The following CCDC192 variants were observed in gnomAD, a reference collection of about 807,000 sequenced individuals.
CCDC192 encodes coiled-coil domain-containing protein 192.
intron 5 of CCDC192, 101 bp downstream of exon 5, chr5:127,798,263 C>A: frequency 2.5e-6 from 1 of 393,476 alleles, no homozygotes; most frequent in Middle Eastern, 6.4e-4. Context: ...TCGTCTGGAG[C>A]AAACCAAATC....
chr5:127,854,307 A>T (rs1304532480), intron 5 of CCDC192, among the ~76,000 whole-genome samples: 1 of 152,122 alleles, frequency 6.6e-6, no homozygotes, highest in Admixed American at 6.5e-5. Flanking sequence ...TCTGCAGATG[A>T]CTTCCTGATT....
At chr5:127,704,291 T>A (rs1750837937) in intron 1 of CCDC192, among the ~76,000 whole-genome samples, 1 of 152,048 alleles carries the variant, frequency 6.6e-6, no homozygotes, top group Non-Finnish European at 1.5e-5. Flanking sequence ...CGGGTTCAAG[T>A]GATTCTCCCA....
intron 3 of CCDC192, among the ~76,000 whole-genome samples, chr5:127,777,719 T>C (rs537256220): frequency 4.6e-5 from 7 of 152,316 alleles, no homozygotes; most frequent in African/African-American, 1.7e-4. Context: ...TCCCCCATAC[T>C]GTTCTTGTGA....
At chr5:127,784,357 T>C (rs914038883) in intron 3 of CCDC192, among the ~76,000 whole-genome samples, 34 of 152,308 alleles carry the variant, frequency 2.2e-4, no homozygotes, top group African/African-American at 8.2e-4. Context: ...GCATGCAGCC[T>C]TCAGTGTGGG....
chr5:127,831,756 G>A (rs1354232721), intron 5 of CCDC192, among the ~76,000 whole-genome samples: 3 of 151,874 alleles, frequency 2.0e-5, no homozygotes, highest in Non-Finnish European at 2.9e-5. Context: ...ACACACATAT[G>A]TACACACATA....
At chr5:127,733,674 G>A (rs1326687857) in intron 2 of CCDC192, among the ~76,000 whole-genome samples, 5 of 152,060 alleles carry the variant, frequency 3.3e-5, no homozygotes, top group South Asian at 4.1e-4. Flanking sequence ...GGACAAACCT[G>A]TTACTGCTGC....
At chr5:127,844,892 C>G (rs575934941) in intron 5 of CCDC192, among the ~76,000 whole-genome samples, 1 of 152,220 alleles carries the variant, frequency 6.6e-6, no homozygotes, top group Non-Finnish European at 1.5e-5. Flanking sequence ...TGAAGCCTCA[C>G]AGGGCCTTGT....
At chr5:127,852,085 T>A (rs1251919538) in intron 5 of CCDC192, among the ~76,000 whole-genome samples, 1 of 152,254 alleles carries the variant, frequency 6.6e-6, no homozygotes, top group Non-Finnish European at 1.5e-5. Context: ...CAATAATTCT[T>A]ATTTTGTGCT....
chr5:127,818,376 A>AT (rs1022851356), intron 5 of CCDC192, among the ~76,000 whole-genome samples: 2 of 152,022 alleles, frequency 1.3e-5, no homozygotes, highest in African/African-American at 4.8e-5. Context: ...ACTGGGAAAC[A>AT]TTTTTTTTAA....
intron 6 of CCDC192, among the ~76,000 whole-genome samples, chr5:127,898,847 G>GGACTGTTACT (rs1367871477): frequency 6.6e-6 from 1 of 152,142 alleles, no homozygotes; most frequent in East Asian, 1.9e-4. Context: ...TAGGACAAAA[G>GGACTGTTACT]TATGGTGTTC....
chr5:127,825,730 A>C (rs1305944705), intron 5 of CCDC192, among the ~76,000 whole-genome samples: 1 of 152,236 alleles, frequency 6.6e-6, no homozygotes, highest in African/African-American at 2.4e-5. Flanking sequence ...AAAGATTTTT[A>C]CTAGTTAAAT....
intron 5 of CCDC192, among the ~76,000 whole-genome samples, chr5:127,830,478 C>T (rs995989591): frequency 7.2e-5 from 11 of 152,168 alleles, no homozygotes; most frequent in Admixed American, 1.3e-4. Flanking sequence ...CTTCTTGCTG[C>T]GTCCTTATAT....
chr5:127,712,738 A>G (rs997163775), intron 2 of CCDC192, among the ~76,000 whole-genome samples: 5 of 152,220 alleles, frequency 3.3e-5, no homozygotes, highest in Admixed American at 1.3e-4. Flanking sequence ...GAGTCTTTGT[A>G]TAGACATATG....
Position 127,918,216 on chromosome 5 carries a change from T to TAAAAAAAAAAA in CCDC192, c.536-22957_536-22947dup, listed in dbSNP as rs1219307107. ...AGGGTTGCCAGACACCTTCAATTTGTAAAAAAAAAAAAAAAAAAAGTAGTA... is the reference window on the plus strand; with the variant it reads ...AGGGTTGCCAGACACCTTCAATTTGTAAAAAAAAAAAAAAAAAAAAAAAAAAAAAAGTAGTA... On this transcript the variant is annotated intron_variant, in intron 6 of 6. Coordinates refer to ENST00000514853, the MANE Select transcript of CCDC192 (RefSeq NM_001317938.2). Among the ~76,000 whole-genome samples the TAAAAAAAAAAA allele has an allele frequency of 2.7e-4, 27 of 100,390 alleles. 1 individual carries two copies. Among genetic ancestry groups the TAAAAAAAAAAA allele is most frequent in the African/African-American group, 1.1e-3 (25 of 22,156 alleles). The allele number at this position is 100,390 out of a possible 152,430, so 65.9% of individuals were successfully genotyped here.
At chr5:127,771,067 A>G (rs1366769821) in intron 3 of CCDC192, among the ~76,000 whole-genome samples, 2 of 152,206 alleles carry the variant, frequency 1.3e-5, no homozygotes. Context: ...ATAAAAATTG[A>G]TTCAGGACAG....
At chr5:127,753,689 A>C (rs896983683) in intron 2 of CCDC192, among the ~76,000 whole-genome samples, 13 of 63,528 alleles carry the variant, frequency 2.0e-4, no homozygotes, top group African/African-American at 5.2e-4. Context: ...CTCTGCCTGG[A>C]AAAAAAAAAA....
In CCDC192 at chr5:127,861,298, G is replaced by A. The variant is rs1055330371; in HGVS notation, c.412-14240G>A. Among the ~76,000 whole-genome samples, 14 of 151,168 alleles carry A rather than the reference G, an allele frequency of 9.3e-5. 1 individual carries two copies. The highest frequency in any genetic ancestry group is 4.2e-4 in the South Asian group (2 of 4,750). On this transcript the variant is annotated intron_variant, in intron 5 of 6. Transcript: ENST00000514853. ...GCTGGGATTATAGGCATGAGCCACC[G>A]TGCCTGGCCCATCTTGGGTAGTTTT...
chr5:127,849,094 G>A (rs1404329935), intron 5 of CCDC192, among the ~76,000 whole-genome samples: 3 of 152,178 alleles, frequency 2.0e-5, no homozygotes, highest in Non-Finnish European at 4.4e-5. Context: ...GCAGGGCGTG[G>A]TGACAGGTGC....
At chr5:127,866,336 G>A (rs937372294) in intron 5 of CCDC192, among the ~76,000 whole-genome samples, 8 of 151,436 alleles carry the variant, frequency 5.3e-5, no homozygotes, top group Admixed American at 2.6e-4. Context: ...CTCCATATGC[G>A]TTTAAATGCC....
Sources: allele counts gnomAD v4.1 joint callset (sites outside exome capture counted in the v4.1 genomes callset), GRCh38; gene constraint gnomAD v4.1.1; transcripts MANE v1.5; gene names NCBI Gene and HGNC (gene_info 2026-07-23, HGNC 2026-07-21).